Variants in MAGI2 observed in about 807,000 individuals in gnomAD.
The protein encoded by MAGI2 is membrane-associated guanylate kinase, WW and PDZ domain-containing protein 2.
Under a neutral mutation model 133.3 loss-of-function variants are expected in MAGI2, and 35 were observed. The observed-to-expected ratio is 0.26, with a 90% CI of 0.20 to 0.35. The LOEUF is 0.35. Among genes scored for constraint, MAGI2 ranks in the 10% least tolerant of loss-of-function variants. MAGI2 has a pLI of 1.00. For synonymous variants in MAGI2, 729 were observed against 710.6 expected (o/e 1.03, Z -0.41); for missense variants, 1,636 against 1,863.4 (o/e 0.88, Z 2.25).
Position 79,212,938 on chromosome 7 carries a change from A to T in MAGI2, c.302-205732T>A, listed in dbSNP as rs1434462637. ...TGTTCTTCCATGTGATTTTCAGTGG[A>T]TGGGATGCTTCCTTAACACATAAAT... On this transcript the variant is annotated intron_variant, in intron 1 of 21. Transcript: ENST00000354212. 2.0e-5 allele frequency among the ~76,000 whole-genome samples: 3 copies of T among 152,030 alleles called. No homozygotes were observed. The East Asian group carries it at 5.8e-4, about 29-fold the overall frequency.
chr7:78,742,095 A>G (rs995395595), intron 2 of MAGI2, among the ~76,000 whole-genome samples: 1 of 151,984 alleles, frequency 6.6e-6, no homozygotes, highest in Admixed American at 6.6e-5. Context: ...GAAAATTGGA[A>G]CTTTTTTTTA....
intron 21 of MAGI2, among the ~76,000 whole-genome samples, chr7:78,075,018 T>G (rs913453465): frequency 6.6e-6 from 1 of 152,190 alleles, no homozygotes; most frequent in Non-Finnish European, 1.5e-5. Context: ...ATGTAAACAT[T>G]TTACTAAATT....
At chr7:78,812,171 T>A (rs560666307) in intron 2 of MAGI2, among the ~76,000 whole-genome samples, 1 of 152,324 alleles carries the variant, frequency 6.6e-6, no homozygotes, top group South Asian at 2.1e-4. Context: ...ACAACTTGAT[T>A]TTAGTCCAAT....
At chr7:79,146,219 C>G (rs1490343394) in intron 1 of MAGI2, among the ~76,000 whole-genome samples, 1 of 152,142 alleles carries the variant, frequency 6.6e-6, no homozygotes, top group Admixed American at 6.5e-5. Flanking sequence ...AGAGGGAGAG[C>G]AAAATTAGCT....
chr7:78,146,553 GTTTCT>G (rs1236404212), intron 16 of MAGI2, among the ~76,000 whole-genome samples: 2 of 152,106 alleles, frequency 1.3e-5, no homozygotes, highest in Non-Finnish European at 2.9e-5. Flanking sequence ...AGGACAACTT[GTTTCT>G]TTTCAAGTAT....
chr7:78,698,200 T>A (rs1817707260), intron 2 of MAGI2, among the ~76,000 whole-genome samples: 1 of 152,226 alleles, frequency 6.6e-6, no homozygotes, highest in Non-Finnish European at 1.5e-5. Context: ...AATGAGTTTG[T>A]CAAAACTGTG....
chr7:78,054,136 A>AT (rs369131522), intron 21 of MAGI2, among the ~76,000 whole-genome samples: 2 of 151,914 alleles, frequency 1.3e-5, no homozygotes, highest in Admixed American at 6.6e-5. Flanking sequence ...ATTTTATTTT[A>AT]TTTTTTTGAG....
At chr7:78,579,530 C>A (rs1360424282) in intron 3 of MAGI2, among the ~76,000 whole-genome samples, 1 of 152,170 alleles carries the variant, frequency 6.6e-6, no homozygotes, top group South Asian at 2.1e-4. Context: ...CAATTTTAGA[C>A]CCTTATTGAC....
chr7:79,224,493 T>A (rs1281294286), intron 1 of MAGI2, among the ~76,000 whole-genome samples: 2 of 152,016 alleles, frequency 1.3e-5, no homozygotes, highest in African/African-American at 2.4e-5. Flanking sequence ...AATAAAAACA[T>A]CTGTCCATAC....
In MAGI2 at chr7:78,346,039, T is replaced by A; in HGVS notation, c.1108A>T (p.Ile370Leu). 6.2e-7 allele frequency: 1 copy of A among 1,613,928 alleles called. No individual in the cohort carries two copies. The highest frequency in any genetic ancestry group is 8.5e-7 in the Non-Finnish European group (1 of 1,179,972). ...PIYGTYYVDH[I>L]NRRTQFENPV... is the part of the protein sequence containing the mutation. Reference sequence around the variant, plus strand: ...TTTTCAAACTGTGTTCTTCTATTTATGTGGCTAAAAAAGAAAATTTCAGAT... The same window carrying A: ...TTTTCAAACTGTGTTCTTCTATTTAAGTGGCTAAAAAAGAAAATTTCAGAT... Residue 370 changes from isoleucine (I) to leucine (L), a missense_variant, in exon 8 of 22, where the codon ATA (isoleucine) becomes TTA (leucine). By Grantham distance (5) the Ile-to-Leu change is conservative. This residue lies in a region of MAGI2 where 920 missense variants were observed against 1,093.5 expected (regional missense o/e 0.84). Transcript: ENST00000354212.
intron 21 of MAGI2, among the ~76,000 whole-genome samples, chr7:78,074,975 G>C (rs1489175238): frequency 6.6e-6 from 1 of 152,206 alleles, no homozygotes; most frequent in Non-Finnish European, 1.5e-5. Flanking sequence ...CCTGGTGCCT[G>C]GAAATGTGAC....
intron 2 of MAGI2, among the ~76,000 whole-genome samples, chr7:78,777,225 A>T (rs1345928100): frequency 6.6e-6 from 1 of 152,222 alleles, no homozygotes; most frequent in Non-Finnish European, 1.5e-5. Flanking sequence ...CTAACCAGCC[A>T]AAGTATATGT....
intron 2 of MAGI2, among the ~76,000 whole-genome samples, chr7:78,799,961 A>G (rs1489360698): frequency 6.6e-6 from 1 of 152,208 alleles, no homozygotes; most frequent in Non-Finnish European, 1.5e-5. Context: ...TTATTTTACC[A>G]TTTAGAACAC....
At chr7:78,276,779 A>G (rs369687218) in intron 9 of MAGI2, among the ~76,000 whole-genome samples, 1 of 152,170 alleles carries the variant, frequency 6.6e-6, no homozygotes, top group Non-Finnish European at 1.5e-5. Context: ...CTGGTTATCT[A>G]TGAGAATAGT....
chr7:79,188,979 A>G (rs2129550979), intron 1 of MAGI2, among the ~76,000 whole-genome samples: 1 of 152,012 alleles, frequency 6.6e-6, no homozygotes, highest in South Asian at 2.1e-4. Flanking sequence ...GTCCACAATT[A>G]TAAATATTTT....
chr7:78,436,049 G>T, intron 6 of MAGI2, among the ~76,000 whole-genome samples: 1 of 152,136 alleles, frequency 6.6e-6, no homozygotes, highest in East Asian at 1.9e-4. Flanking sequence ...GATCCGGGGT[G>T]AGTGCATCAG....
intron 2 of MAGI2, among the ~76,000 whole-genome samples, chr7:78,724,285 A>G (rs750241317): frequency 1.2e-4 from 19 of 152,206 alleles, no homozygotes; most frequent in Non-Finnish European, 2.5e-4. Flanking sequence ...AACAGAGACT[A>G]AATTGCAATG....
rs556423333 is a variant in MAGI2, at chr7:79,161,486, C to T, written c.302-154280G>A. Among the ~76,000 whole-genome samples the T allele has an allele frequency of 2.0e-5, 3 of 152,092 alleles. No individual in the cohort carries two copies. In the South Asian group the frequency reaches 6.2e-4, roughly 32 times the overall value. On this transcript the variant is annotated intron_variant, in intron 1 of 21. Coordinates refer to ENST00000354212, the MANE Select transcript of MAGI2 (RefSeq NM_012301.4). ...GATGGAATGTTATCCGAAGCTACCC[C>T]TATGCTAATGGAAATAATATTTTCC...
chr7:78,765,187 G>A (rs553501718), intron 2 of MAGI2, among the ~76,000 whole-genome samples: 1 of 152,128 alleles, frequency 6.6e-6, no homozygotes, highest in Admixed American at 6.6e-5. Context: ...GACTGTCCTA[G>A]TGTATCCACC....
Sources: allele counts gnomAD v4.1 joint callset (sites outside exome capture counted in the v4.1 genomes callset), GRCh38; gene constraint gnomAD v4.1.1; regional missense constraint gnomAD v4.1.1; transcripts MANE v1.5; gene names NCBI Gene and HGNC (gene_info 2026-07-23, HGNC 2026-07-21).